Variants in DNER observed in about 807,000 individuals in gnomAD.
DNER encodes the protein delta and Notch-like epidermal growth factor-related receptor.
A neutral mutation model predicts 78.2 loss-of-function variants in DNER; 33 were observed. The ratio of observed to expected loss-of-function variants is 0.42; its 90% CI spans 0.32 to 0.56. The LOEUF is 0.56. Ranked by LOEUF, DNER falls within the 20% of genes least tolerant of loss-of-function variation. DNER has a pLI of 0.11. For synonymous variants in DNER, 417 were observed against 384.8 expected, an observed-to-expected ratio of 1.08 and a Z score of -0.98; for missense variants, 918 against 975.3, an observed-to-expected ratio of 0.94 and a Z score of 0.78.
intron 10 of DNER, among the ~76,000 whole-genome samples, chr2:229,392,930 T>G (rs1240652048): frequency 6.6e-6 from 1 of 152,022 alleles, no homozygotes; most frequent in Non-Finnish European, 1.5e-5. Context: ...TGCAACAAAG[T>G]AGGCTCACGT....
chr2:229,561,318 C>G (rs1275251453), intron 4 of DNER, among the ~76,000 whole-genome samples: 1 of 152,058 alleles, frequency 6.6e-6, no homozygotes, highest in Non-Finnish European at 1.5e-5. Flanking sequence ...ATCATTTGCT[C>G]TAGGGAAAAA....
At position 229,372,176 on chromosome 2, in the gene DNER, T is replaced by C. The variant is rs142759069; in HGVS notation, c.1856-5057A>G. Among the ~76,000 whole-genome samples, 8 of 152,068 alleles carry C rather than the reference T, an allele frequency of 5.3e-5. No individual in the cohort carries two copies. In the East Asian group the frequency reaches 1.4e-3, roughly 26 times the overall value. On this transcript the variant is annotated intron_variant, in intron 11 of 12. Coordinates refer to ENST00000341772, the MANE Select transcript of DNER (RefSeq NM_139072.4). Reference sequence around the variant, plus strand: ...GACAGGGATGGAAAGCAAGGGAAAATAGAGAGAAAAGTAGGCTCATGTAGT... The same window carrying C: ...GACAGGGATGGAAAGCAAGGGAAAACAGAGAGAAAAGTAGGCTCATGTAGT...
At chr2:229,438,347 T>C (rs142199542) in intron 8 of DNER, among the ~76,000 whole-genome samples, 319 of 152,310 alleles carry the variant, frequency 2.1e-3, no homozygotes, top group African/African-American at 7.3e-3. Context: ...GTCTGGAATC[T>C]TGTTCTTGTG....
intron 1 of DNER, among the ~76,000 whole-genome samples, chr2:229,667,385 C>T (rs772218770): frequency 6.6e-6 from 1 of 152,112 alleles, no homozygotes; most frequent in East Asian, 1.9e-4. Context: ...AAAAAGGAAG[C>T]GATGTATGAG....
intron 5 of DNER, among the ~76,000 whole-genome samples, chr2:229,534,046 A>C (rs897431299): frequency 6.6e-6 from 1 of 152,252 alleles, no homozygotes; most frequent in African/African-American, 2.4e-5. Flanking sequence ...AAACCCATTC[A>C]TGGGCAAAAG....
intron 1 of DNER, among the ~76,000 whole-genome samples, chr2:229,696,062 G>A (rs1699658742): frequency 6.6e-6 from 1 of 152,158 alleles, no homozygotes; most frequent in African/African-American, 2.4e-5. Context: ...TAATCCCTGG[G>A]AAATTAACAA....
chr2:229,661,930 C>T (rs1405828752), intron 1 of DNER, among the ~76,000 whole-genome samples: 2 of 152,116 alleles, frequency 1.3e-5, no homozygotes, highest in Non-Finnish European at 2.9e-5. Flanking sequence ...ATGCCAATAT[C>T]AAGAGCTAGG....
At chr2:229,472,664 G>A (rs761577894) in intron 7 of DNER, among the ~76,000 whole-genome samples, 10 of 152,238 alleles carry the variant, frequency 6.6e-5, no homozygotes, top group African/African-American at 1.2e-4. Flanking sequence ...AACCAAATAC[G>A]AAGACAATAA....
rs1031506127 is a variant in DNER, at chr2:229,658,140, C to T, written c.276+56008G>A. ...GATCAGGGAGTCGGGGTCATATTAC[C>T]TTAATTGCCTGGTAAACCTAGCCTG... is the stretch of plus-strand genomic sequence containing the variant. On this transcript the variant is annotated intron_variant, in intron 1 of 12. Transcript: ENST00000341772. Among the ~76,000 whole-genome samples the T allele has an allele frequency of 1.4e-4, 22 of 152,226 alleles. No individual in the cohort carries two copies. In the Middle Eastern group the frequency reaches 0.01, roughly 71 times the overall value.
At chr2:229,627,165 G>A (rs1698359553) in intron 1 of DNER, among the ~76,000 whole-genome samples, 1 of 152,154 alleles carries the variant, frequency 6.6e-6, no homozygotes, top group South Asian at 2.1e-4. Flanking sequence ...ACAATATCTA[G>A]TGCCAGCCTC....
chr2:229,600,979 T>C (rs1697815604), intron 1 of DNER, among the ~76,000 whole-genome samples: 1 of 152,048 alleles, frequency 6.6e-6, no homozygotes, highest in Non-Finnish European at 1.5e-5. Flanking sequence ...GAATGAACAA[T>C]TGCCACCTGG....
chr2:229,388,364 C>T lies in DNER; in HGVS notation c.1756G>A (p.Asp586Asn). ...CCACCATGGTGGCAGGGGTTACTGT[C>T]ACATTCATTTATGTCAATGTCGCAC... ...EECDIDINEC[D>N]SNPCHHGGSC... Residue 586 changes from aspartate (D) to asparagine (N), a missense_variant, in exon 11 of 13, where the codon GAC becomes AAC. By Grantham distance (23) the Asp-to-Asn change is conservative. Transcript: ENST00000341772. 1.9e-6 allele frequency: 3 copies of T among 1,611,928 alleles called. No individual in the cohort carries two copies. Among genetic ancestry groups the T allele is most frequent in the Non-Finnish European group, 2.5e-6 (3 of 1,178,984 alleles).
chr2:229,673,425 C>T (rs1699245017), intron 1 of DNER, among the ~76,000 whole-genome samples: 1 of 152,198 alleles, frequency 6.6e-6, no homozygotes, highest in Non-Finnish European at 1.5e-5. Context: ...ACTTGCCCTC[C>T]TGGGGAGGAA....
intron 4 of DNER, among the ~76,000 whole-genome samples, chr2:229,556,929 T>C (rs935294276): frequency 3.3e-5 from 5 of 152,226 alleles, no homozygotes; most frequent in Non-Finnish European, 7.3e-5. Context: ...CAGGTAAAAG[T>C]GCAATTTCAG....
At chr2:229,431,377 A>T (rs1313190309) in intron 8 of DNER, among the ~76,000 whole-genome samples, 2 of 152,158 alleles carry the variant, frequency 1.3e-5, no homozygotes, top group Non-Finnish European at 2.9e-5. Context: ...CTTGTCCATC[A>T]TCTGGGGAAT....
intron 8 of DNER, among the ~76,000 whole-genome samples, chr2:229,439,708 C>A (rs910913879): frequency 6.6e-6 from 1 of 152,140 alleles, no homozygotes; most frequent in Non-Finnish European, 1.5e-5. Context: ...TAGGGAGGTC[C>A]CCATCTGACC....
chr2:229,546,818 C>CAGATAGATAGAT (rs1394897452), intron 5 of DNER, 129 bp downstream of exon 5: 17 of 1,330,688 alleles, frequency 1.3e-5, no homozygotes, highest in African/African-American at 7.9e-5. Flanking sequence ...GACAGACAGA[C>CAGATAGATAGAT]AGACAGACAG....
At chr2:229,539,481 T>G (rs1462593596) in intron 5 of DNER, among the ~76,000 whole-genome samples, 1 of 152,232 alleles carries the variant, frequency 6.6e-6, no homozygotes, top group African/African-American at 2.4e-5. Context: ...GGTCACACAA[T>G]CTGTGAGATG....
intron 6 of DNER, among the ~76,000 whole-genome samples, chr2:229,504,888 A>G (rs1028351833): frequency 6.6e-6 from 1 of 152,244 alleles, no homozygotes; most frequent in Non-Finnish European, 1.5e-5. Flanking sequence ...CTTCCTAGTC[A>G]GTGACTTTAG....
Sources: allele counts gnomAD v4.1 joint callset (sites outside exome capture counted in the v4.1 genomes callset), GRCh38; gene constraint gnomAD v4.1.1; transcripts MANE v1.5; gene names NCBI Gene and HGNC (gene_info 2026-07-23, HGNC 2026-07-21).